UNC13C: variants seen among roughly 807,000 people sequenced by gnomAD.
UNC13C encodes the protein protein unc-13 homolog C.
UNC13C carries 174 observed loss-of-function variants against 245.4 expected under a neutral mutation model. The ratio of observed to expected loss-of-function variants is 0.71; its 90% CI spans 0.63 to 0.80. UNC13C has a LOEUF of 0.80. UNC13C is among the 30% of genes least tolerant of loss of function. The pLI, the probability that UNC13C is intolerant of heterozygous loss-of-function variation, is 0.00. For synonymous variants in UNC13C, 992 were observed against 895.1 expected (o/e 1.11, Z -1.93); for missense variants, 2,829 against 2,602.9 (o/e 1.09, Z -1.89).
chr15:54,186,300 C>T (rs1459748612), intron 4 of UNC13C, among the ~76,000 whole-genome samples: 2 of 152,130 alleles, frequency 1.3e-5, no homozygotes, highest in Non-Finnish European at 2.9e-5. Flanking sequence ...GAACTTCCAA[C>T]ACTATGTTGA....
chr15:54,557,434 A>G (rs1380966193), intron 29 of UNC13C, among the ~76,000 whole-genome samples: 1 of 151,900 alleles, frequency 6.6e-6, no homozygotes, highest in African/African-American at 2.4e-5. Context: ...GACTCCCTTT[A>G]TCTTGTCTGT....
chr15:54,229,113 C>G (rs1281301340), intron 4 of UNC13C, among the ~76,000 whole-genome samples: 1 of 152,160 alleles, frequency 6.6e-6, no homozygotes, highest in Non-Finnish European at 1.5e-5. Context: ...TTGCTTTCTG[C>G]TGTGACAGGA....
intron 4 of UNC13C, among the ~76,000 whole-genome samples, chr15:54,181,630 T>C (rs765112405): frequency 5.3e-5 from 8 of 152,064 alleles, no homozygotes; most frequent in Admixed American, 6.6e-5. Context: ...TGTAGATTGC[T>C]TTGGGCAGTA....
intron 25 of UNC13C, among the ~76,000 whole-genome samples, chr15:54,527,597 C>T (rs768572040): frequency 3.9e-5 from 6 of 151,996 alleles, no homozygotes; most frequent in Non-Finnish European, 7.4e-5. Context: ...TTTTCTGATT[C>T]GAAAGATATC....
chr15:54,129,532 T>C (rs2031276101), intron 2 of UNC13C, among the ~76,000 whole-genome samples: 1 of 152,148 alleles, frequency 6.6e-6, no homozygotes, highest in Non-Finnish European at 1.5e-5. Flanking sequence ...GAGAATTTTC[T>C]ACTGATTCAA....
intron 30 of UNC13C, among the ~76,000 whole-genome samples, chr15:54,576,303 G>A (rs958948436): frequency 5.9e-5 from 9 of 152,206 alleles, no homozygotes; most frequent in African/African-American, 2.2e-4. Context: ...AAAGAAATCA[G>A]TCTATCATTA....
intron 24 of UNC13C, among the ~76,000 whole-genome samples, chr15:54,518,619 G>A (rs1344690481): frequency 1.3e-5 from 2 of 152,090 alleles, no homozygotes; most frequent in Non-Finnish European, 1.5e-5. Context: ...CTTTAACCCA[G>A]TCAGTTCTCT....
At chr15:54,630,723 G>A (rs1267761540), downstream of UNC13C, 1 of 152,022 alleles carries the variant, frequency 6.6e-6, no homozygotes, top group East Asian at 1.9e-4. Flanking sequence ...GGCCTCCACT[G>A]ATCACTCTTC....
the UNC13C span, among the ~76,000 whole-genome samples, chr15:53,900,734 G>A: frequency 5.9e-5 from 9 of 152,088 alleles, no homozygotes; most frequent in Non-Finnish European, 1.3e-4. Flanking sequence ...TAAAGACTCA[G>A]ATCAATGTCC....
At chr15:54,553,361 A>AATATATAATTATATT (rs550062245) in intron 28 of UNC13C, among the ~76,000 whole-genome samples, 4,671 of 123,354 alleles carry the variant, frequency 0.038, 167 homozygotes, top group Admixed American at 0.076. Flanking sequence ...TATATAATAT[A>AATATATAATTATATT]ATATATAATT....
At chr15:54,377,343 T>G (rs2039628060) in intron 17 of UNC13C, among the ~76,000 whole-genome samples, 1 of 152,190 alleles carries the variant, frequency 6.6e-6, no homozygotes, top group South Asian at 2.1e-4. Context: ...GACATACTTT[T>G]TGAAGGAAGA....
chr15:54,127,627 G>A lies in UNC13C; in HGVS notation c.2984-15391G>A, dbSNP rs1037600627. On this transcript the variant is annotated intron_variant, in intron 2 of 32. Coordinates refer to ENST00000260323, the MANE Select transcript of UNC13C (RefSeq NM_001080534.3). ...TGTACATGACGGGTTAATGGGTACA[G>A]CAAACCACCATGACACATGTATACC... Among the ~76,000 whole-genome samples the A allele has an allele frequency of 2.0e-5, 3 of 151,156 alleles. No homozygotes were observed. The Admixed American group carries it at 2.0e-4, about 10-fold the overall frequency.
At chr15:54,124,808 T>C (rs527466777) in intron 2 of UNC13C, among the ~76,000 whole-genome samples, 2 of 58,636 alleles carry the variant, frequency 3.4e-5, no homozygotes, top group Non-Finnish European at 7.2e-5. Flanking sequence ...AAATGTGAAG[T>C]TTAGGTAAAG....
In UNC13C at chr15:54,335,504, C is replaced by T. The variant is rs565263853; in HGVS notation, c.4584+1648C>T. On this transcript the variant is annotated intron_variant, in intron 16 of 32. Transcript: ENST00000260323. ...ATATAACCACCAGAGCAATAAGATA[C>T]AGAACAGTTCCATGAGCCTACAAAA... Among the ~76,000 whole-genome samples the T allele has an allele frequency of 7.9e-5, 12 of 152,220 alleles. No homozygotes were observed. In the South Asian group the frequency reaches 2.1e-3, roughly 26 times the overall value.
intron 2 of UNC13C, among the ~76,000 whole-genome samples, chr15:54,025,555 G>C (rs962995238): frequency 2.0e-5 from 3 of 152,144 alleles, no homozygotes; most frequent in African/African-American, 4.8e-5. Flanking sequence ...TCCAGTATTT[G>C]TACTTTGGCG....
intron 17 of UNC13C, among the ~76,000 whole-genome samples, chr15:54,348,905 A>G (rs2038919185): frequency 6.6e-6 from 1 of 152,032 alleles, no homozygotes; most frequent in Admixed American, 6.6e-5. Flanking sequence ...GACTTTTCTT[A>G]GATATTTTTC....
intron 30 of UNC13C, among the ~76,000 whole-genome samples, chr15:54,569,460 C>T (rs1897657567): frequency 6.6e-6 from 1 of 151,996 alleles, no homozygotes; most frequent in Non-Finnish European, 1.5e-5. Context: ...GAAAAAAAGC[C>T]TATACATGTT....
At chr15:54,417,592 A>G (rs1228548645) in intron 19 of UNC13C, among the ~76,000 whole-genome samples, 4 of 152,168 alleles carry the variant, frequency 2.6e-5, no homozygotes, top group Non-Finnish European at 5.9e-5. Flanking sequence ...ATATTTAACT[A>G]TGATTCAGCA....
chr15:53,860,507 T>C, the UNC13C span, among the ~76,000 whole-genome samples: 1 of 152,152 alleles, frequency 6.6e-6, no homozygotes, highest in Non-Finnish European at 1.5e-5. Context: ...ATAGGGTTTC[T>C]CATTCCATTC....
Sources: gnomAD v4.1 joint callset for allele counts (sites outside exome capture counted in the v4.1 genomes callset) on GRCh38, gnomAD v4.1.1 for gene constraint, MANE v1.5 for transcripts, NCBI Gene and HGNC (gene_info 2026-07-23, HGNC 2026-07-21) for gene names.